Variants in ZNF592 observed in about 807,000 individuals in gnomAD.
ZNF592 encodes the protein spinocerebellar ataxia, autosomal recessive 5.
ZNF592 carries 11 observed loss-of-function variants against 80.3 expected under a neutral mutation model. The ratio of observed to expected loss-of-function variants is 0.14; its 90% CI spans 0.09 to 0.23. The LOEUF is 0.23. ZNF592 is among the 10% of genes least tolerant of loss of function. ZNF592 has a pLI of 1.00. For missense variants in ZNF592, 1,420 were observed against 1,633.9 expected (o/e 0.87, Z 2.26); for synonymous variants, 646 against 640.3 (o/e 1.01, Z -0.13).
intron 1 of ZNF592, among the ~76,000 whole-genome samples, chr15:84,752,282 G>C (rs1003733049): frequency 6.6e-6 from 1 of 152,144 alleles, no homozygotes; most frequent in Non-Finnish European, 1.5e-5. Context: ...GAACTTGTGG[G>C]ATACATAGTG....
chr15:84,784,661 C>T lies in ZNF592; in HGVS notation c.1986C>T (p.Phe662=), dbSNP rs755966117. The T allele has an allele frequency of 2.5e-6, 4 of 1,614,154 alleles. No homozygotes were observed. The highest frequency in any genetic ancestry group is 2.2e-5 in the South Asian group (2 of 91,080). The change falls in exon 4 of 11, where the codon TTC becomes TTT. Residue 662 remains phenylalanine, a synonymous_variant. Coordinates refer to ENST00000560079, the MANE Select transcript of ZNF592 (RefSeq NM_014630.3). This position sits in a 1 kb window ranked among gnomAD's most constrained non-coding sequence, Gnocchi z 5.8. The stretch of plus-strand genomic sequence containing the variant: ...AGCCTATCTCTGCGGACCAAATGTT[C>T]GTGTCGGCCCCTGTGAACTCCACGG... ...LVKPISADQM[F]VSAPVNSTAP... is the part of the protein sequence containing the mutation.
At chr15:84,800,029 G>A in intron 10 of ZNF592, 52 bp downstream of exon 10, 1 of 1,613,430 alleles carries the variant, frequency 6.2e-7, no homozygotes, top group Non-Finnish European at 8.5e-7. Context: ...GAGGCTTGGA[G>A]CTGGAAGGGC....
In ZNF592 at chr15:84,784,009, C is replaced by T. The variant is rs763759442; in HGVS notation, c.1334C>T (p.Ala445Val). The change falls in exon 4 of 11, where the codon GCC (alanine) becomes GTC (valine). Residue 445 changes from alanine to valine, a missense_variant. Physicochemically the swap from Ala to Val is moderately conservative, Grantham distance 64 (BLOSUM62 0). This residue lies in a region of ZNF592 where 524 missense variants were observed against 628.3 expected (regional missense o/e 0.83). Coordinates refer to ENST00000560079, the MANE Select transcript of ZNF592 (RefSeq NM_014630.3). The surrounding 1 kb of genome is among the most constrained non-coding windows in gnomAD (Gnocchi z 5.8). Reference sequence around the variant, plus strand: ...ACAAATTCAGGGAGCCCCCAGGGGGCCAGGAAAGGGGACGAGAGCATGACA... The same window carrying T: ...ACAAATTCAGGGAGCCCCCAGGGGGTCAGGAAAGGGGACGAGAGCATGACA... ...AGTNSGSPQG[A>V]RKGDESMTKA... 12 of 1,610,600 alleles carry T rather than the reference C, an allele frequency of 7.5e-6. No homozygotes were observed. The highest frequency in any genetic ancestry group is 1.0e-5 in the Non-Finnish European group (12 of 1,177,398).
intron 1 of ZNF592, among the ~76,000 whole-genome samples, chr15:84,759,358 C>A (rs916287598): frequency 1.3e-5 from 2 of 152,146 alleles, no homozygotes; most frequent in Admixed American, 1.3e-4. Flanking sequence ...TTCTCTAGTA[C>A]CCAAAATGTA....
rs187042100 is a variant in ZNF592, at chr15:84,761,969, A to G, written c.-258-2738A>G. On this transcript the variant is annotated intron_variant, in intron 1 of 10. Coordinates refer to ENST00000560079, the MANE Select transcript of ZNF592 (RefSeq NM_014630.3). ...ATGGTTTCTGTTTCATTAGGCTTCT[A>G]TCCTGTTTTTGATAAGGGTTGTGCC... 4.7e-3 allele frequency among the ~76,000 whole-genome samples: 716 copies of G among 152,318 alleles called. 3 individuals carry two copies. Among genetic ancestry groups the G allele is most frequent in the Non-Finnish European group, 7.2e-3 (491 of 68,020 alleles).
chr15:84,802,023 A>G lies in ZNF592; in HGVS notation c.3434A>G (p.Gln1145Arg), dbSNP rs766242760. ...CTCGAGTTTCAGAGCCACATACCTCAGCACCAGGTGGACAGCTCCACAGCC... is the reference window on the plus strand; with the variant it reads ...CTCGAGTTTCAGAGCCACATACCTCGGCACCAGGTGGACAGCTCCACAGCC... ...SGLEFQSHIP[Q>R]HQVDSSTAQC... Residue 1145 changes from glutamine (Q) to arginine (R), a missense_variant, in exon 11 of 11, where the codon CAG becomes CGG. Gln to Arg is a conservative substitution (Grantham distance 43). This residue lies in a region of ZNF592 where 145 missense variants were observed against 211.9 expected (regional missense o/e 0.68). Coordinates refer to ENST00000560079, the MANE Select transcript of ZNF592 (RefSeq NM_014630.3). 1.9e-6 allele frequency: 3 copies of G among 1,613,950 alleles called. No individual in the cohort carries two copies. The South Asian group carries it at 3.3e-5, about 18-fold the overall frequency.
intron 2 of ZNF592, among the ~76,000 whole-genome samples, chr15:84,772,393 T>TA (rs988550753): frequency 2.6e-5 from 4 of 151,774 alleles, no homozygotes; most frequent in African/African-American, 9.7e-5. Context: ...TCTACAAAAA[T>TA]AAAAAAACTG....
At chr15:84,765,482 C>T (rs567598546) in intron 2 of ZNF592, among the ~76,000 whole-genome samples, 42 of 150,970 alleles carry the variant, frequency 2.8e-4, no homozygotes, top group South Asian at 1.3e-3. Context: ...TTCCTACCAG[C>T]GATGCACAAG....
intron 2 of ZNF592, among the ~76,000 whole-genome samples, chr15:84,777,801 G>A (rs1439915945): frequency 7.0e-6 from 1 of 143,456 alleles, no homozygotes; most frequent in Non-Finnish European, 1.5e-5. Context: ...CCGGGTTTAC[G>A]CCATTCCCCT....
intron 2 of ZNF592, among the ~76,000 whole-genome samples, chr15:84,776,702 G>A (rs1962262221): frequency 6.6e-6 from 1 of 152,228 alleles, no homozygotes. Flanking sequence ...GTTGCAGTGA[G>A]CCAAGATCAT....
chr15:84,796,148 G>A (rs537627290), intron 5 of ZNF592, among the ~76,000 whole-genome samples: 4 of 147,810 alleles, frequency 2.7e-5, no homozygotes, highest in African/African-American at 1.0e-4. Flanking sequence ...CTTGAACCCA[G>A]GAGGTGGAGG....
At chr15:84,765,838 G>C (rs1005373605) in intron 2 of ZNF592, among the ~76,000 whole-genome samples, 10 of 151,894 alleles carry the variant, frequency 6.6e-5, no homozygotes, top group Admixed American at 4.6e-4. Context: ...ACCCAGACTT[G>C]TTTTGTTTTT....
rs745449748 is a variant in ZNF592, at chr15:84,782,878, T to A, written c.203T>A (p.Val68Asp). 6.2e-7 allele frequency: 1 copy of A among 1,614,150 alleles called. No homozygotes were observed. Among genetic ancestry groups the A allele is most frequent in the Non-Finnish European group, 8.5e-7 (1 of 1,180,022 alleles). The change falls in exon 4 of 11, where the codon GTC (valine) becomes GAC (aspartate). Residue 68 changes from valine (V) to aspartate (D), a missense_variant. Val to Asp is a radical substitution (Grantham distance 152). This residue lies in a region of ZNF592 where 373 missense variants were observed against 355.5 expected (regional missense o/e 1.05). Coordinates refer to ENST00000560079, the MANE Select transcript of ZNF592 (RefSeq NM_014630.3). ...GSAPDVPAVS[V>D]IVKNTSRQES... ...GCCCCCGATGTGCCGGCCGTGAGTG[T>A]CATTGTCAAGAACACCAGCCGCCAG... is the stretch of plus-strand genomic sequence containing the variant.
rs142458601 is a variant in ZNF592 at position 84,752,318 on chromosome 15, C to T, written c.-259+3654C>T. ...AGTTTCTTCCTGGAGCTTAGAGTATCCAGTGGAGCTCAGATATTTTAAAGG... is the reference window on the plus strand; with the variant it reads ...AGTTTCTTCCTGGAGCTTAGAGTATTCAGTGGAGCTCAGATATTTTAAAGG... On this transcript the variant is annotated intron_variant, in intron 1 of 10. Transcript: ENST00000560079. 2.6e-3 allele frequency among the ~76,000 whole-genome samples: 389 copies of T among 152,124 alleles called. 2 individuals are homozygous for T. Among genetic ancestry groups the T allele is most frequent in the African/African-American group, 9.0e-3 (372 of 41,480 alleles).
chr15:84,792,000 T>C (rs1962763259), intron 5 of ZNF592, among the ~76,000 whole-genome samples: 1 of 151,326 alleles, frequency 6.6e-6, no homozygotes, highest in African/African-American at 2.4e-5. Flanking sequence ...GCTACAGAAA[T>C]ATTTGCAGCA....
chr15:84,761,779 C>A (rs1899358080), intron 1 of ZNF592, among the ~76,000 whole-genome samples: 1 of 152,188 alleles, frequency 6.6e-6, no homozygotes, highest in African/African-American at 2.4e-5. Flanking sequence ...TCTTCTGAAT[C>A]TGCACATATG....
At chr15:84,773,214 G>GTTT (rs35593752) in intron 2 of ZNF592, among the ~76,000 whole-genome samples, 5 of 139,068 alleles carry the variant, frequency 3.6e-5, no homozygotes, top group African/African-American at 5.2e-5. Context: ...ACCCACCAGG[G>GTTT]TTTTTTTTTT....
At chr15:84,787,888 C>T (rs1962635203) in intron 4 of ZNF592, among the ~76,000 whole-genome samples, 1 of 152,222 alleles carries the variant, frequency 6.6e-6, no homozygotes, top group Non-Finnish European at 1.5e-5. Context: ...CCTCTTCCCA[C>T]TCCATCCTAG....
rs1247970711 is a variant in ZNF592 at position 84,799,128 on chromosome 15, G to C, written c.3055G>C (p.Glu1019Gln). The change falls in exon 9 of 11, where the codon GAA becomes CAA. Residue 1019 changes from glutamate to glutamine, a missense_variant. Physicochemically the swap from Glu to Gln is conservative, Grantham distance 29. Transcript: ENST00000560079. This position sits in a 1 kb window ranked among gnomAD's most constrained non-coding sequence, Gnocchi z 4.2. Reference protein sequence around the residue: ...TLKRYPCRQCEQSFHTPNSLR... With the variant: ...TLKRYPCRQCQQSFHTPNSLR... ...GAAGCGGTACCCATGCCGGCAGTGT[G>C]AACAGTCCTTCCACACCCCCAACAG... 2 of 1,614,046 alleles carry C rather than the reference G, an allele frequency of 1.2e-6. No homozygotes were observed. Among genetic ancestry groups the C allele is most frequent in the Non-Finnish European group, 1.7e-6 (2 of 1,180,034 alleles).
Sources: gnomAD v4.1 joint callset for allele counts (sites outside exome capture counted in the v4.1 genomes callset) on GRCh38, gnomAD v4.1.1 for gene constraint, gnomAD v4.1.1 regional missense constraint, Gnocchi (gnomAD v3.1) non-coding constraint, MANE v1.5 for transcripts, NCBI Gene and HGNC (gene_info 2026-07-23, HGNC 2026-07-21) for gene names.